Variants in ENOX1 observed in about 807,000 individuals in gnomAD.
ENOX1 encodes ecto-NOX disulfide-thiol exchanger 1, also known as candidate growth-related and time keeping constitutive hydroquinone (NADH) oxidase.
ENOX1 carries 42 observed loss-of-function variants against 82.5 expected under a neutral mutation model. The ratio of observed to expected loss-of-function variants is 0.51; its 90% CI spans 0.40 to 0.66. The LOEUF is 0.66. Among genes scored for constraint, ENOX1 ranks in the 30% least tolerant of loss-of-function variants. ENOX1 has a pLI of 0.00. For synonymous variants in ENOX1, 271 were observed against 282.2 expected, an observed-to-expected ratio of 0.96 and a Z score of 0.40; for missense variants, 608 against 811.6, an observed-to-expected ratio of 0.75 and a Z score of 3.05.
chr13:43,338,917 C>T (rs2048894963), intron 9 of ENOX1, among the ~76,000 whole-genome samples: 1 of 152,092 alleles, frequency 6.6e-6, no homozygotes, highest in South Asian at 2.1e-4. Flanking sequence ...GATCTCCTGA[C>T]CTCGTGATCC....
chr13:43,421,955 G>GA (rs933996841), intron 3 of ENOX1, among the ~76,000 whole-genome samples: 4 of 136,738 alleles, frequency 2.9e-5, no homozygotes, highest in African/African-American at 5.4e-5. Flanking sequence ...AAAAAATGAA[G>GA]AAAAAAAAGG....
chr13:43,741,817 T>A (rs1319269933), intron 1 of ENOX1, among the ~76,000 whole-genome samples: 1 of 152,252 alleles, frequency 6.6e-6, no homozygotes, highest in Non-Finnish European at 1.5e-5. Context: ...TGTTGCCTAA[T>A]CCAAGATCAT....
intron 5 of ENOX1, among the ~76,000 whole-genome samples, chr13:43,381,225 A>G (rs1199518014): frequency 6.6e-6 from 1 of 151,850 alleles, no homozygotes; most frequent in Non-Finnish European, 1.5e-5. Context: ...CCACAATAGT[A>G]TTAAATTATA....
chr13:43,464,084 T>C (rs1213514862), intron 3 of ENOX1, among the ~76,000 whole-genome samples: 2 of 152,126 alleles, frequency 1.3e-5, no homozygotes, highest in Non-Finnish European at 2.9e-5. Flanking sequence ...CCCTTTCCCT[T>C]AGAGTCTTTC....
At chr13:43,417,207 C>T (rs1006228254) in intron 3 of ENOX1, among the ~76,000 whole-genome samples, 4 of 91,742 alleles carry the variant, frequency 4.4e-5, no homozygotes, top group South Asian at 4.9e-4. Flanking sequence ...AGACGGGAGA[C>T]GGGAGACGGG....
At chr13:43,560,469 CTCT>C (rs1300606660) in intron 2 of ENOX1, among the ~76,000 whole-genome samples, 3 of 152,026 alleles carry the variant, frequency 2.0e-5, no homozygotes, top group African/African-American at 4.8e-5. Context: ...GAAAAATACT[CTCT>C]TATTTTAATT....
At chr13:43,471,809 C>CAAAAAAAAA (rs5803181) in intron 3 of ENOX1, among the ~76,000 whole-genome samples, 20 of 124,494 alleles carry the variant, frequency 1.6e-4, no homozygotes, top group Non-Finnish European at 2.1e-4. Flanking sequence ...GACTCCGTCT[C>CAAAAAAAAA]AAAAAAAAAA....
At chr13:43,219,775 G>A (rs2041687631) in intron 16 of ENOX1, among the ~76,000 whole-genome samples, 1 of 152,154 alleles carries the variant, frequency 6.6e-6, no homozygotes, top group Non-Finnish European at 1.5e-5. Flanking sequence ...ACAAGCAGAT[G>A]CAAATCAATT....
At chr13:43,385,454 G>T (rs1323152) in intron 5 of ENOX1, among the ~76,000 whole-genome samples, 83,711 of 151,768 alleles carry the variant, frequency 0.55, 26,442 homozygotes, top group Non-Finnish European at 0.73. Context: ...AAAAACAAAA[G>T]GGAAATTTAA....
intron 1 of ENOX1, among the ~76,000 whole-genome samples, chr13:43,724,521 T>C (rs1276029875): frequency 6.6e-6 from 1 of 152,238 alleles, no homozygotes; most frequent in Admixed American, 6.5e-5. Flanking sequence ...TCTATTTGCC[T>C]GTACCTATGC....
intron 2 of ENOX1, among the ~76,000 whole-genome samples, chr13:43,563,634 G>A (rs1275189608): frequency 1.3e-5 from 2 of 152,032 alleles, no homozygotes; most frequent in Non-Finnish European, 2.9e-5. Context: ...CCTTTACCTA[G>A]ATTAATTGAG....
intron 1 of ENOX1, among the ~76,000 whole-genome samples, chr13:43,754,264 T>C (rs913592156): frequency 8.1e-5 from 12 of 148,018 alleles, no homozygotes; most frequent in South Asian, 6.3e-4. Context: ...TATACATATA[T>C]ACACACACAC....
intron 1 of ENOX1, among the ~76,000 whole-genome samples, chr13:43,756,678 G>T (rs1279135341): frequency 6.6e-6 from 1 of 152,080 alleles, no homozygotes; most frequent in African/African-American, 2.4e-5. Context: ...CCAGTGCCTA[G>T]TACTTAGTAA....
intron 13 of ENOX1, 21 bp downstream of exon 13, chr13:43,269,449 A>C: frequency 2.5e-6 from 4 of 1,582,872 alleles, no homozygotes; most frequent in African/African-American, 1.3e-5. Flanking sequence ...TTCATAAATC[A>C]GAGCTGTTTC....
At chr13:43,449,345 C>T (rs2056830889) in intron 3 of ENOX1, among the ~76,000 whole-genome samples, 1 of 152,178 alleles carries the variant, frequency 6.6e-6, no homozygotes, top group African/African-American at 2.4e-5. Context: ...GTGATTTATG[C>T]AGGCTACAAG....
At chr13:43,609,971 G>A in intron 2 of ENOX1, 1 of 869,960 alleles carries the variant, frequency 1.1e-6, no homozygotes, top group Non-Finnish European at 1.4e-6. Flanking sequence ...TTTTAGAGTT[G>A]TTTTATCAGG....
intron 11 of ENOX1, among the ~76,000 whole-genome samples, chr13:43,313,998 C>T (rs2047349306): frequency 6.6e-6 from 1 of 152,218 alleles, no homozygotes; most frequent in Admixed American, 6.5e-5. Context: ...ATTAAAGACC[C>T]TGCAATGCCC....
intron 10 of ENOX1, 150 bp from the exon 11 acceptor site, chr13:43,322,651 G>A: frequency 1.5e-6 from 1 of 650,764 alleles, no homozygotes; most frequent in South Asian, 2.1e-5. Context: ...AGGAGGTTCT[G>A]AGGGGTGTGG....
At chr13:43,264,966 T>C (rs1025527515) in intron 14 of ENOX1, among the ~76,000 whole-genome samples, 4 of 152,232 alleles carry the variant, frequency 2.6e-5, no homozygotes, top group South Asian at 2.1e-4. Context: ...TCAAGGGCTA[T>C]TCTGAGAGAA....
Sources: gnomAD v4.1 joint callset for allele counts (sites outside exome capture counted in the v4.1 genomes callset) on GRCh38, gnomAD v4.1.1 for gene constraint, MANE v1.5 for transcripts, NCBI Gene and HGNC (gene_info 2026-07-23, HGNC 2026-07-21) for gene names.